The following EDIL3 variants were observed in gnomAD, a reference collection of about 807,000 sequenced individuals.
The protein encoded by EDIL3 is EGF-like repeat and discoidin I-like domain-containing protein 3.
A neutral mutation model predicts 67.4 loss-of-function variants in EDIL3; 37 were observed. The ratio of observed to expected loss-of-function variants is 0.55; its 90% confidence interval spans 0.42 to 0.72. The LOEUF (loss-of-function observed/expected upper bound fraction) is 0.72, where lower values mean the gene tolerates loss of function less well. Ranked by LOEUF, EDIL3 falls within the 30% of genes least tolerant of loss-of-function variation. The pLI is 0.00. For missense variants in EDIL3, 527 were observed against 586.3 expected, an observed-to-expected ratio of 0.90 and a Z score of 1.04; for synonymous variants, 195 against 196.3, an observed-to-expected ratio of 0.99 and a Z score of 0.05.
intron 6 of EDIL3, chr5:84,078,556 C>A (rs150778394): frequency 4.6e-5 from 7 of 152,164 alleles, no homozygotes; most frequent in African/African-American, 1.7e-4. Flanking sequence ...GTTGGGCTCA[C>A]ATAGAGGAAG....
chr5:83,963,096 T>A lies in EDIL3; in HGVS notation c.1293+109A>T, dbSNP rs373891087. On this transcript the variant is annotated intron_variant, in intron 10 of 10. Transcript: ENST00000296591. ...TTTTATTTAACATATATTTTCAGTA[T>A]ATATGGATACTATTTTCAGTACAGA... The A allele has an allele frequency of 8.0e-5, 106 of 1,320,980 alleles. No individual in the cohort carries two copies. The East Asian group carries it at 2.0e-3, about 25-fold the overall frequency. The allele number at this position is 1,320,980 out of a possible 1,614,324, so 81.8% of individuals were successfully genotyped here.
chr5:84,188,341 C>T (rs937378269), intron 3 of EDIL3, among the ~76,000 whole-genome samples: 3 of 152,070 alleles, frequency 2.0e-5, no homozygotes, highest in Admixed American at 6.6e-5. Flanking sequence ...CCTTTGAAGG[C>T]TCCAGGAAAA....
At chr5:84,027,315 CT>C (rs1745833069) in intron 9 of EDIL3, among the ~76,000 whole-genome samples, 1 of 152,164 alleles carries the variant, frequency 6.6e-6, no homozygotes, top group African/African-American at 2.4e-5. Context: ...GTTTATCCCC[CT>C]GTAAGAATCT....
intron 1 of EDIL3, among the ~76,000 whole-genome samples, chr5:84,289,729 T>C (rs949375276): frequency 3.3e-5 from 5 of 152,210 alleles, no homozygotes; most frequent in African/African-American, 1.2e-4. Context: ...TCTCCTTCCA[T>C]TCCTTTGACT....
chr5:84,025,246 G>C (rs1478515042), intron 9 of EDIL3, among the ~76,000 whole-genome samples: 1 of 152,054 alleles, frequency 6.6e-6, no homozygotes, highest in Non-Finnish European at 1.5e-5. Flanking sequence ...ACCAGTACTG[G>C]TCAGTGGCCT....
intron 5 of EDIL3, among the ~76,000 whole-genome samples, chr5:84,108,171 C>G (rs1281127065): frequency 1.3e-5 from 2 of 151,564 alleles, no homozygotes; most frequent in Non-Finnish European, 1.5e-5. Context: ...ATATTAGGAG[C>G]CAAATTATAA....
intron 6 of EDIL3, among the ~76,000 whole-genome samples, chr5:84,104,977 T>A (rs998128307): frequency 1.3e-5 from 2 of 152,064 alleles, no homozygotes; most frequent in Non-Finnish European, 2.9e-5. Flanking sequence ...GAAACCCTGA[T>A]GTAAACTGGT....
chr5:84,281,753 G>A (rs964026601), intron 1 of EDIL3, among the ~76,000 whole-genome samples: 1 of 151,592 alleles, frequency 6.6e-6, no homozygotes, highest in African/African-American at 2.4e-5. Context: ...TTTAAATTAT[G>A]AGATATTTGA....
intron 9 of EDIL3, among the ~76,000 whole-genome samples, chr5:84,058,357 C>A (rs1165006010): frequency 1.6e-5 from 2 of 126,628 alleles, no homozygotes; most frequent in South Asian, 4.9e-4. Flanking sequence ...AAAACACAGA[C>A]ACACAAACAC....
At chr5:84,293,330 C>A (rs151186093) in intron 1 of EDIL3, among the ~76,000 whole-genome samples, 1 of 152,102 alleles carries the variant, frequency 6.6e-6, no homozygotes, top group African/African-American at 2.4e-5. Context: ...TATTATTACC[C>A]AATTTTAAAG....
At chr5:84,297,026 C>CA in intron 1 of EDIL3, among the ~76,000 whole-genome samples, 1 of 151,824 alleles carries the variant, frequency 6.6e-6, no homozygotes, top group Non-Finnish European at 1.5e-5. Flanking sequence ...ACTAAATATA[C>CA]AAAAAATTAG....
intron 9 of EDIL3, among the ~76,000 whole-genome samples, chr5:84,013,086 G>A (rs1381569877): frequency 1.3e-5 from 2 of 151,726 alleles, no homozygotes; most frequent in Non-Finnish European, 2.9e-5. Context: ...AACTTTCTAA[G>A]CTTTCAAACA....
intron 9 of EDIL3, among the ~76,000 whole-genome samples, chr5:83,967,061 G>A (rs1028448332): frequency 1.3e-5 from 2 of 152,036 alleles, no homozygotes; most frequent in African/African-American, 2.4e-5. Flanking sequence ...GGTGGCTCAC[G>A]CTTGTAATCC....
At chr5:84,106,259 C>A (rs1328294268) in intron 6 of EDIL3, among the ~76,000 whole-genome samples, 1 of 151,972 alleles carries the variant, frequency 6.6e-6, no homozygotes, top group Non-Finnish European at 1.5e-5. Context: ...ATATTTTATA[C>A]TTGCATTTGT....
intron 9 of EDIL3, among the ~76,000 whole-genome samples, chr5:84,002,545 C>T (rs1352416837): frequency 6.6e-6 from 1 of 152,170 alleles, no homozygotes; most frequent in Admixed American, 6.5e-5. Context: ...CTAAAGACTC[C>T]ACCAAAAAGC....
At chr5:83,995,666 A>G (rs1335964847) in intron 9 of EDIL3, among the ~76,000 whole-genome samples, 3 of 152,158 alleles carry the variant, frequency 2.0e-5, no homozygotes, top group East Asian at 1.9e-4. Flanking sequence ...TGGTCAGTGA[A>G]TTTGTATGCT....
chr5:84,312,360 G>T (rs1466667654), intron 1 of EDIL3, among the ~76,000 whole-genome samples: 2 of 139,558 alleles, frequency 1.4e-5, no homozygotes, highest in African/African-American at 5.3e-5. Context: ...CCTCCCGGAC[G>T]GGGCGGCTGG....
intron 10 of EDIL3, among the ~76,000 whole-genome samples, chr5:83,961,365 G>A (rs575805515): frequency 1.3e-5 from 2 of 150,834 alleles, no homozygotes; most frequent in African/African-American, 4.9e-5. Context: ...TCTATCAAAC[G>A]ACACAAAAAT....
At chr5:84,362,900 CTA>C (rs1747640942) in intron 1 of EDIL3, among the ~76,000 whole-genome samples, 2 of 152,082 alleles carry the variant, frequency 1.3e-5, no homozygotes, top group African/African-American at 4.8e-5. Context: ...TTAAGATGAT[CTA>C]TGTCACTTCC....
Sources: gnomAD v4.1 joint callset for allele counts (sites outside exome capture counted in the v4.1 genomes callset) on GRCh38, gnomAD v4.1.1 for gene constraint, MANE v1.5 for transcripts, NCBI Gene and HGNC (gene_info 2026-07-23, HGNC 2026-07-21) for gene names.